The following MYH15 variants were observed in gnomAD, a reference collection of about 807,000 sequenced individuals.
MYH15 encodes the protein myosin-15.
A neutral mutation model predicts 240.5 loss-of-function variants in MYH15; 227 were observed. The ratio of observed to expected loss-of-function variants is 0.94; its 90% CI spans 0.85 to 1.05. The LOEUF (loss-of-function observed/expected upper bound fraction) is 1.05, where lower values mean the gene tolerates loss of function less well. MYH15 is among the 50% of genes least tolerant of loss of function. MYH15 has a pLI of 0.00. For synonymous variants in MYH15, 785 were observed against 796.7 expected, an observed-to-expected ratio of 0.99 and a Z score of 0.25; for missense variants, 2,217 against 2,247.5, an observed-to-expected ratio of 0.99 and a Z score of 0.27.
chr3:108,437,770 C>A, intron 24 of MYH15, 71 bp from the exon 25 acceptor site: 2 of 1,410,828 alleles, frequency 1.4e-6, no homozygotes, highest in South Asian at 1.5e-5. Flanking sequence ...TGTTCATTAA[C>A]CACTTACCTT....
chr3:108,487,483 G>T (rs2107596921), intron 9 of MYH15, among the ~76,000 whole-genome samples: 2 of 152,316 alleles, frequency 1.3e-5, no homozygotes, highest in South Asian at 4.1e-4. Context: ...GAACATGGAA[G>T]AATTTCAAAA....
the MYH15 span, among the ~76,000 whole-genome samples, chr3:108,538,769 T>C: frequency 1.3e-5 from 2 of 152,308 alleles, no homozygotes; most frequent in East Asian, 3.9e-4. Flanking sequence ...GTCTGTTTTG[T>C]GTTGCTATAA....
At chr3:108,493,056 G>A (rs1292574224) in intron 8 of MYH15, 58 bp downstream of exon 8, 5 of 1,183,710 alleles carry the variant, frequency 4.2e-6, no homozygotes, top group Admixed American at 2.2e-5. Context: ...GAAAGAGAAG[G>A]GAAGGGAAGG....
intron 35 of MYH15, among the ~76,000 whole-genome samples, chr3:108,397,199 C>T (rs1172399620): frequency 6.6e-6 from 1 of 152,212 alleles, no homozygotes; most frequent in Non-Finnish European, 1.5e-5. Context: ...AAAATTCAAA[C>T]TCCATCACTC....
intron 12 of MYH15, among the ~76,000 whole-genome samples, chr3:108,471,461 C>T (rs2083176531): frequency 6.6e-6 from 1 of 152,128 alleles, no homozygotes; most frequent in African/African-American, 2.4e-5. Context: ...ATCCTCTGAC[C>T]CCTTGCCTCC....
At chr3:108,458,078 C>G (rs1386792459) in intron 18 of MYH15, among the ~76,000 whole-genome samples, 1 of 152,028 alleles carries the variant, frequency 6.6e-6, no homozygotes, top group Non-Finnish European at 1.5e-5. Flanking sequence ...GGGAGGGGTA[C>G]AGGGAGTAGA....
chr3:108,442,474 A>G (rs1213484845), intron 22 of MYH15, among the ~76,000 whole-genome samples: 1 of 152,186 alleles, frequency 6.6e-6, no homozygotes, highest in African/African-American at 2.4e-5. Flanking sequence ...TAATGGGGAC[A>G]TTTTATCTTA....
chr3:108,416,957 T>C (rs369183452), intron 28 of MYH15, 27 bp from the exon 29 acceptor site: 7 of 1,526,188 alleles, frequency 4.6e-6, no homozygotes, highest in African/African-American at 2.7e-5. Flanking sequence ...CAAAACTACA[T>C]AATTACAGTC....
Position 108,460,354 on chromosome 3 carries a change from C to T in MYH15, c.1878G>A (p.Gly626=). 3.8e-6 allele frequency: 6 copies of T among 1,591,736 alleles called. No individual in the cohort carries two copies. The South Asian group carries it at 5.7e-5, about 15-fold the overall frequency. Residue 626 remains glycine (G), a synonymous_variant, in exon 17 of 41, where the codon GGG becomes GGA. Coordinates refer to ENST00000693548, the MANE Select transcript of MYH15 (RefSeq NM_014981.3). ...AAGCTCCTTTCTTTCGTTTCTTCTCCCCAAATGGTATAGCTAGCAAAAAAA... is the reference window on the plus strand; with the variant it reads ...AAGCTCCTTTCTTTCGTTTCTTCTCTCCAAATGGTATAGCTAGCAAAAAAA... ...YMSTDSAIPF[G]EKKRKKGASF...
At position 108,470,684 on chromosome 3, in the gene MYH15, C is replaced by A. The variant is rs769023997; in HGVS notation, c.1383+14G>T. On this transcript the variant is annotated intron_variant, in intron 13 of 40. Coordinates refer to ENST00000693548, the MANE Select transcript of MYH15 (RefSeq NM_014981.3). ...TAAATATGCATTGACTTCCTTCTTA[C>A]CAGATACACTTACCTCAAGGATTTC... is the stretch of plus-strand genomic sequence containing the variant. 1 of 1,612,246 alleles carries A rather than the reference C, an allele frequency of 6.2e-7. No individual in the cohort carries two copies. Among genetic ancestry groups the A allele is most frequent in the Admixed American group, 1.7e-5 (1 of 59,838 alleles).
the MYH15 span, among the ~76,000 whole-genome samples, chr3:108,536,592 AG>A: frequency 1.3e-5 from 2 of 152,232 alleles, no homozygotes; most frequent in African/African-American, 4.8e-5. Flanking sequence ...AATTACAAAT[AG>A]GGGATGCCAC....
chr3:108,487,786 G>A (rs1369535135), intron 9 of MYH15, among the ~76,000 whole-genome samples: 4 of 152,068 alleles, frequency 2.6e-5, no homozygotes, highest in South Asian at 2.1e-4. Context: ...CTTAAAACAC[G>A]TGCAGTGTAC....
chr3:108,501,021 G>A (rs1015588929), intron 3 of MYH15, among the ~76,000 whole-genome samples: 2 of 152,168 alleles, frequency 1.3e-5, no homozygotes, highest in Non-Finnish European at 2.9e-5. Context: ...TGGACTTCTG[G>A]CCTCCAGCAT....
chr3:108,387,878 A>T (rs962810038), intron 38 of MYH15, among the ~76,000 whole-genome samples: 1 of 152,218 alleles, frequency 6.6e-6, no homozygotes, highest in Admixed American at 6.5e-5. Flanking sequence ...GCCCAAGATG[A>T]TGCTTCTGAA....
intron 1 of MYH15, among the ~76,000 whole-genome samples, chr3:108,526,107 A>C (rs7642633): frequency 0.036 from 5,535 of 152,174 alleles, 331 homozygotes; most frequent in African/African-American, 0.12. Context: ...TTCTTCCCTC[A>C]TGATTGAAAC....
chr3:108,540,773 A>C, the MYH15 span, among the ~76,000 whole-genome samples: 15 of 152,154 alleles, frequency 9.9e-5, no homozygotes, highest in Admixed American at 5.2e-4. Flanking sequence ...ATATTAAAAA[A>C]ATGATCTGGA....
intron 11 of MYH15, among the ~76,000 whole-genome samples, chr3:108,480,154 G>A (rs910066146): frequency 6.6e-6 from 1 of 152,186 alleles, no homozygotes; most frequent in African/African-American, 2.4e-5. Context: ...ACAAAACTGT[G>A]AAGTAGGGAA....
In MYH15 at chr3:108,485,101, A is replaced by T. The variant is rs750816941; in HGVS notation, c.1104T>A (p.Asp368Glu). Residue 368 changes from aspartate to glutamate, a missense_variant, in exon 11 of 41, where the codon GAT becomes GAA. By Grantham distance (45) the Asp-to-Glu change is conservative. Coordinates refer to ENST00000693548, the MANE Select transcript of MYH15 (RefSeq NM_014981.3). ...QKPREEQLEA[D>E]GTENADKAAF... ...CAAAGTAATTCTTACTTTCTGTGCC[A>T]TCTGCTTCCAGTTGCTCTTCTCTAG... 3 of 1,614,048 alleles carry T rather than the reference A, an allele frequency of 1.9e-6. No homozygotes were observed. The highest frequency in any genetic ancestry group is 2.2e-5 in the South Asian group (2 of 91,064).
At chr3:108,407,156 C>A (rs529337288) in intron 32 of MYH15, among the ~76,000 whole-genome samples, 1 of 152,172 alleles carries the variant, frequency 6.6e-6, no homozygotes, top group Admixed American at 6.5e-5. Flanking sequence ...TGCTGCCTGA[C>A]AACTCTATAC....
Sources: allele counts gnomAD v4.1 joint callset (sites outside exome capture counted in the v4.1 genomes callset), GRCh38; gene constraint gnomAD v4.1.1; transcripts MANE v1.5; gene names NCBI Gene and HGNC (gene_info 2026-07-23, HGNC 2026-07-21).